Variants in ZNF570 observed in about 807,000 individuals in gnomAD.
ZNF570 encodes zinc finger protein 570.
A neutral mutation model predicts 14.2 loss-of-function variants in ZNF570; 8 were observed. The observed-to-expected ratio is 0.56, with a 90% confidence interval of 0.33 to 1.02. The LOEUF is 1.02. Among genes scored for constraint, ZNF570 ranks in the 50% least tolerant of loss-of-function variants. ZNF570 has a pLI of 0.03. For missense variants in ZNF570, 559 were observed against 624.9 expected (o/e 0.89, Z 1.12); for synonymous variants, 202 against 207.6 (o/e 0.97, Z 0.23).
intron 1 of ZNF570, among the ~76,000 whole-genome samples, chr19:37,469,893 G>C (rs1257669996): frequency 1.3e-5 from 2 of 152,182 alleles, no homozygotes; most frequent in East Asian, 1.9e-4. Context: ...GTGGGGGATT[G>C]AGTGAGAGAC....
rs1437758229 is a variant in ZNF570, at chr19:37,469,525, C to T, written c.-84C>T. 2 of 1,536,354 alleles carry T rather than the reference C, an allele frequency of 1.3e-6. No homozygotes were observed. The highest frequency in any genetic ancestry group is 2.0e-5 in the Admixed American group (1 of 50,994). ...CGTGTGGGTCTCCGGAAGCTCGTCGCAGGCCATCTGTGTGACTCCGGTGCG... is the reference window on the plus strand; with the variant it reads ...CGTGTGGGTCTCCGGAAGCTCGTCGTAGGCCATCTGTGTGACTCCGGTGCG... On this transcript the variant is annotated 5_prime_UTR_variant, in exon 1 of 5. Transcript: ENST00000330173.
chr19:37,476,359 A>G lies in ZNF570; in HGVS notation c.181A>G (p.Ser61Gly), dbSNP rs750208460. The G allele has an allele frequency of 1.2e-6, 2 of 1,613,912 alleles. No homozygotes were observed. Among genetic ancestry groups the G allele is most frequent in the Admixed American group, 3.3e-5 (2 of 59,954 alleles). The change falls in exon 4 of 5, where the codon AGT becomes GGT. Residue 61 changes from serine to glycine, a missense_variant. Physicochemically the swap from Ser to Gly is moderately conservative, Grantham distance 56. Coordinates refer to ENST00000330173, the MANE Select transcript of ZNF570 (RefSeq NM_144694.5). ...TGCAGGACTTTGCTTTTCCAAACCA[A>G]GTGTGATATTATTGTTGGAACAAGG... ...VSLGLCFSKP[S>G]VILLLEQGKA...
chr19:37,470,320 C>A lies in ZNF570; in HGVS notation c.-35C>A. 1 of 1,614,052 alleles carries A rather than the reference C, an allele frequency of 6.2e-7. No individual in the cohort carries two copies. The highest frequency in any genetic ancestry group is 8.5e-7 in the Non-Finnish European group (1 of 1,179,964). ...CCATCTCAGTCATCTGAGGCCACTG[C>A]TATTTCCCAAGAGAAGAGCCAGGAG... is the stretch of plus-strand genomic sequence containing the variant. On this transcript the variant is annotated 5_prime_UTR_variant, in exon 2 of 5. Coordinates refer to ENST00000330173, the MANE Select transcript of ZNF570 (RefSeq NM_144694.5).
chr19:37,482,595 A>G (rs1348226815), intron 4 of ZNF570, among the ~76,000 whole-genome samples: 2 of 152,148 alleles, frequency 1.3e-5, no homozygotes, highest in African/African-American at 4.8e-5. Flanking sequence ...TGGGGATTAC[A>G]TTTCAACACG....
chr19:37,477,621 C>T (rs1347642606), intron 4 of ZNF570, among the ~76,000 whole-genome samples: 1 of 152,016 alleles, frequency 6.6e-6, no homozygotes, highest in Non-Finnish European at 1.5e-5. Flanking sequence ...GGATTACAGA[C>T]GTGAGCCACT....
chr19:37,484,837 G>A lies in ZNF570; in HGVS notation c.1215G>A (p.Gln405=). Residue 405 remains glutamine, a synonymous_variant, in exon 5 of 5, where the codon CAG becomes CAA. Transcript: ENST00000330173. ...FSQNSHLAQH[Q]RIHTGEKPYK... ...AGAATTCACACCTTGCTCAACATCA[G>A]AGAATTCATACTGGAGAAAAACCTT... The A allele has an allele frequency of 6.2e-7, 1 of 1,613,842 alleles. No individual in the cohort carries two copies. The highest frequency in any genetic ancestry group is 2.2e-5 in the East Asian group (1 of 44,860).
chr19:37,468,503 GTTTGTTT>G (rs980337622), upstream of ZNF570, among the ~76,000 whole-genome samples: 1 of 151,722 alleles, frequency 6.6e-6, no homozygotes, highest in Non-Finnish European at 1.5e-5. Context: ...GTTTTTGTTT[GTTTGTTT>G]TTTAAGACGG....
rs1482706951 is a variant in ZNF570, at chr19:37,484,765, T to A, written c.1143T>A (p.Thr381=). The change falls in exon 5 of 5, where the codon ACT becomes ACA. Residue 381 remains threonine, a synonymous_variant. Coordinates refer to ENST00000330173, the MANE Select transcript of ZNF570 (RefSeq NM_144694.5). ...AYLTVHQRIH[T]GERPYECKEC... ...TTACTGTACATCAGAGAATACATAC[T>A]GGAGAGAGACCCTATGAATGTAAGG... 2.5e-6 allele frequency: 4 copies of A among 1,613,988 alleles called. No individual in the cohort carries two copies. Among genetic ancestry groups the A allele is most frequent in the Non-Finnish European group, 2.5e-6 (3 of 1,180,018 alleles).
chr19:37,469,198 A>G, upstream of ZNF570: 1 of 1,264,106 alleles, frequency 7.9e-7, no homozygotes, highest in Non-Finnish European at 1.0e-6. Context: ...CCTGGTGGGG[A>G]GGAGGCCGTG....
chr19:37,469,792 G>A, intron 1 of ZNF570: 1 of 579,114 alleles, frequency 1.7e-6, no homozygotes. Context: ...ATGGGAAAGG[G>A]TGCCCGTGTG....
In ZNF570 at chr19:37,485,091, G is replaced by A. The variant is rs1051188322; in HGVS notation, c.1469G>A (p.Arg490Lys). Residue 490 changes from arginine to lysine, a missense_variant, in exon 5 of 5, where the codon AGA becomes AAA. Arg to Lys is a conservative substitution (Grantham distance 26). Coordinates refer to ENST00000330173, the MANE Select transcript of ZNF570 (RefSeq NM_144694.5). ...SYCGSLAQHQRIHTGERPYEC... is the reference protein window; with the variant it reads ...SYCGSLAQHQKIHTGERPYEC... ...TGTGGATCCCTTGCCCAACATCAGA[G>A]AATTCATACTGGAGAGAGACCCTAT... 4 of 1,613,900 alleles carry A rather than the reference G, an allele frequency of 2.5e-6. No homozygotes were observed. Among genetic ancestry groups the A allele is most frequent in the African/African-American group, 1.3e-5 (1 of 74,860 alleles).
Position 37,484,964 on chromosome 19 carries a change from G to A in ZNF570, c.1342G>A (p.Gly448Arg), listed in dbSNP as rs778131548. The part of the protein sequence containing the change: ...GEKPYECIEC[G>R]KAFSNDSSLT... Reference sequence around the variant, plus strand: ...GAAACCCTATGAATGTATTGAATGTGGGAAGGCTTTTAGCAATGACTCGTC... The same window carrying A: ...GAAACCCTATGAATGTATTGAATGTAGGAAGGCTTTTAGCAATGACTCGTC... Residue 448 changes from glycine (G) to arginine (R), a missense_variant, in exon 5 of 5, where the codon GGG becomes AGG. Physicochemically the swap from Gly to Arg is moderately radical, Grantham distance 125. Coordinates refer to ENST00000330173, the MANE Select transcript of ZNF570 (RefSeq NM_144694.5). 1.2e-6 allele frequency: 2 copies of A among 1,613,966 alleles called. No individual in the cohort carries two copies. The highest frequency in any genetic ancestry group is 1.3e-5 in the African/African-American group (1 of 74,984).
At position 37,488,145 on chromosome 19, in the gene ZNF570, A is replaced by G. The variant is rs976254286; in HGVS notation, c.*2912A>G. Reference sequence around the variant, plus strand: ...CTCTCCTCGTGTTTCAAGGAGATACATATGATGGTCCATTGCAGAACTGTG... The same window carrying G: ...CTCTCCTCGTGTTTCAAGGAGATACGTATGATGGTCCATTGCAGAACTGTG... On this transcript the variant is annotated 3_prime_UTR_variant, in exon 5 of 5. Coordinates refer to ENST00000330173, the MANE Select transcript of ZNF570 (RefSeq NM_144694.5). 6.6e-6 allele frequency: 1 copy of G among 152,242 alleles called. No homozygotes were observed. The highest frequency in any genetic ancestry group is 1.5e-5 in the Non-Finnish European group (1 of 68,044). The allele number at this position is 152,242 out of a possible 1,614,324, so 9.4% of individuals were successfully genotyped here. A position where few individuals can be genotyped will look rare whatever the true frequency, so the allele number is the denominator to read the frequency against.
chr19:37,470,821 T>C (rs1298377682), intron 2 of ZNF570, among the ~76,000 whole-genome samples: 7 of 143,672 alleles, frequency 4.9e-5, no homozygotes. Context: ...TGCCTCAGCC[T>C]CCCGAGTAGC....
At chr19:37,482,882 CCT>C (rs987312865) in intron 4 of ZNF570, among the ~76,000 whole-genome samples, 10 of 145,860 alleles carry the variant, frequency 6.9e-5, no homozygotes, top group African/African-American at 2.5e-4. Flanking sequence ...CCCCTTTCTC[CCT>C]CTCTCTGTCT....
chr19:37,487,261 CG>C lies in ZNF570; in HGVS notation c.*2031del, dbSNP rs1231410070. 7.0e-6 allele frequency: 1 copy of C among 143,352 alleles called. No homozygotes were observed. Among genetic ancestry groups the C allele is most frequent in the African/African-American group, 2.6e-5 (1 of 38,820 alleles). 8.9% of individuals were successfully genotyped at this position (143,352 alleles called of 1,614,324 possible). A position where few individuals can be genotyped will look rare whatever the true frequency, so the allele number is the denominator to read the frequency against. ...CCCCAGCTAATTGTATGGTTAAATT[CG>C]GGTAATTTAGAAGGCATGTAAAGTG... On this transcript the variant is annotated 3_prime_UTR_variant, in exon 5 of 5. Transcript: ENST00000330173.
chr19:37,482,905 C>T (rs1471075196), intron 4 of ZNF570, among the ~76,000 whole-genome samples: 2 of 149,926 alleles, frequency 1.3e-5, no homozygotes, highest in Non-Finnish European at 3.0e-5. Flanking sequence ...CTCCTGCCAC[C>T]TTGTAAAGAA....
intron 2 of ZNF570, 97 bp downstream of exon 2, chr19:37,470,484 G>A: frequency 9.0e-7 from 1 of 1,106,182 alleles, no homozygotes; most frequent in South Asian, 1.3e-5. Flanking sequence ...TGGGTAACCA[G>A]TCATGTCCCT....
Position 37,484,181 on chromosome 19 carries a change from G to C in ZNF570, c.559G>C (p.Glu187Gln), listed in dbSNP as rs1568771666. The C allele has an allele frequency of 1.2e-6, 2 of 1,613,820 alleles. No individual in the cohort carries two copies. ...LCTQKIIPKE[E>Q]KVHKHDTQKR... Reference sequence around the variant, plus strand: ...TACACAAAAGATAATCCCCAAAGAGGAGAAAGTACATAAACATGACACACA... The same window carrying C: ...TACACAAAAGATAATCCCCAAAGAGCAGAAAGTACATAAACATGACACACA... Residue 187 changes from glutamate (E) to glutamine (Q), a missense_variant, in exon 5 of 5, where the codon GAG (glutamate) becomes CAG (glutamine). Glu to Gln is a conservative substitution (Grantham distance 29). Transcript: ENST00000330173.
Sources: allele counts gnomAD v4.1 joint callset (sites outside exome capture counted in the v4.1 genomes callset), GRCh38; gene constraint gnomAD v4.1.1; transcripts MANE v1.5; gene names NCBI Gene and HGNC (gene_info 2026-07-23, HGNC 2026-07-21).